PKNOX2: variants seen among roughly 807,000 people sequenced by gnomAD.
PKNOX2 encodes homeobox protein PKNOX2.
PKNOX2 carries 14 observed loss-of-function variants against 53.1 expected under a neutral mutation model. The observed-to-expected ratio is 0.26, with a 90% CI of 0.17 to 0.41. PKNOX2 has a LOEUF of 0.41. Ranked by LOEUF, PKNOX2 falls within the 10% of genes least tolerant of loss-of-function variation. The pLI, the probability that PKNOX2 is intolerant of heterozygous loss-of-function variation, is 1.00. For synonymous variants in PKNOX2, 257 were observed against 242.8 expected, an observed-to-expected ratio of 1.06 and a Z score of -0.54; for missense variants, 496 against 602.8, an observed-to-expected ratio of 0.82 and a Z score of 1.85.
In PKNOX2 at chr11:125,165,758, AG is replaced by A. The variant is rs1433373620; in HGVS notation, c.-201+983del. ...GCCCGCGCGAGGCTTGGGAATCGGG[AG>A]CCCTTCTGGCTCGAGAACTAGGGGA... On this transcript the variant is annotated intron_variant, in intron 1 of 12. Transcript: ENST00000298282. This position sits in a 1 kb window ranked among gnomAD's most constrained non-coding sequence, Gnocchi z 4.5. Among the ~76,000 whole-genome samples, 1 of 152,120 alleles carries A rather than the reference AG, an allele frequency of 6.6e-6. No individual in the cohort carries two copies. Among genetic ancestry groups the A allele is most frequent in the African/African-American group, 2.4e-5 (1 of 41,416 alleles).
chr11:125,367,241 A>G (rs1240200873), intron 4 of PKNOX2, among the ~76,000 whole-genome samples: 1 of 152,266 alleles, frequency 6.6e-6, no homozygotes, highest in African/African-American at 2.4e-5. Context: ...AACGTGTCAC[A>G]GATTATGAAA....
chr11:125,415,831 T>G (rs570803703), intron 10 of PKNOX2, among the ~76,000 whole-genome samples: 57 of 152,304 alleles, frequency 3.7e-4, no homozygotes, highest in African/African-American at 1.3e-3. Flanking sequence ...TTGAAAAAAT[T>G]AGTTTAAAAA....
At chr11:125,247,738 A>G (rs1019475779) in intron 2 of PKNOX2, among the ~76,000 whole-genome samples, 1 of 152,090 alleles carries the variant, frequency 6.6e-6, no homozygotes, top group Non-Finnish European at 1.5e-5. Flanking sequence ...AATTCTAGTA[A>G]GGATTTGCTG....
intron 2 of PKNOX2, among the ~76,000 whole-genome samples, chr11:125,326,795 G>A (rs1459956132): frequency 6.6e-6 from 1 of 152,174 alleles, no homozygotes; most frequent in Non-Finnish European, 1.5e-5. Context: ...TGATGAGGAG[G>A]AAACAGAATT....
chr11:125,303,295 G>A (rs151186738), intron 2 of PKNOX2, among the ~76,000 whole-genome samples: 6 of 152,262 alleles, frequency 3.9e-5, no homozygotes, highest in East Asian at 1.9e-4. Flanking sequence ...CAAGTGTTAC[G>A]TCACCCTCAC....
At chr11:125,178,514 A>G (rs927385375) in intron 1 of PKNOX2, among the ~76,000 whole-genome samples, 1 of 148,322 alleles carries the variant, frequency 6.7e-6, no homozygotes, top group East Asian at 2.0e-4. Flanking sequence ...CTGTCTCAAA[A>G]AAAAAAAAGA....
chr11:125,224,871 C>T (rs949640887), intron 1 of PKNOX2, among the ~76,000 whole-genome samples: 6 of 152,206 alleles, frequency 3.9e-5, no homozygotes, highest in African/African-American at 7.2e-5. Flanking sequence ...GACCGCCCCC[C>T]GGAGGCAAGT....
chr11:125,342,789 G>A (rs1451955024), intron 3 of PKNOX2, among the ~76,000 whole-genome samples: 1 of 150,436 alleles, frequency 6.6e-6, no homozygotes, highest in Non-Finnish European at 1.5e-5. Context: ...GGCGGGCCGG[G>A]GCTCCCAGGT....
chr11:125,170,296 G>A (rs1195378791), intron 1 of PKNOX2, among the ~76,000 whole-genome samples: 4 of 152,194 alleles, frequency 2.6e-5, no homozygotes, highest in African/African-American at 4.8e-5. Context: ...CTGGTGGAAT[G>A]CTTGTCTTTA....
chr11:125,351,364 C>T lies in PKNOX2; in HGVS notation c.59C>T (p.Pro20Leu), dbSNP rs371091100. ...ACGATGATGGCCACGCAGAATGTCC[C>T]GCCCCCACCCTACCAGGACAGCCCA... is the stretch of plus-strand genomic sequence containing the variant. Reference protein sequence around the residue: ...ALTMMATQNVPPPPYQDSPQM... With the variant: ...ALTMMATQNVLPPPYQDSPQM... The change falls in exon 4 of 13, where the codon CCG (proline) becomes CTG (leucine). Residue 20 changes from proline to leucine, a missense_variant. This residue lies in a region of PKNOX2 where 168 missense variants were observed against 178.4 expected (regional missense o/e 0.94). Coordinates refer to ENST00000298282, the MANE Select transcript of PKNOX2 (RefSeq NM_001382323.2). The T allele has an allele frequency of 1.9e-6, 3 of 1,605,700 alleles. No individual in the cohort carries two copies. Among genetic ancestry groups the T allele is most frequent in the African/African-American group, 2.7e-5 (2 of 74,790 alleles).
intron 3 of PKNOX2, among the ~76,000 whole-genome samples, chr11:125,348,017 C>T (rs986403809): frequency 2.0e-5 from 3 of 152,112 alleles, no homozygotes; most frequent in Admixed American, 6.5e-5. Context: ...GCTCTGAAGC[C>T]CGGGGCTAGG....
At chr11:125,190,583 T>C (rs927473824) in intron 1 of PKNOX2, among the ~76,000 whole-genome samples, 2 of 152,202 alleles carry the variant, frequency 1.3e-5, no homozygotes, top group African/African-American at 2.4e-5. Flanking sequence ...TGCTTTGGTC[T>C]CCCTCTTTTG....
intron 2 of PKNOX2, among the ~76,000 whole-genome samples, chr11:125,254,349 C>A (rs1476317614): frequency 6.6e-6 from 1 of 152,226 alleles, no homozygotes; most frequent in Non-Finnish European, 1.5e-5. Flanking sequence ...GCCCACCTCC[C>A]TGCCATGGGG....
chr11:125,224,046 AC>A (rs1396412541), intron 1 of PKNOX2, among the ~76,000 whole-genome samples: 1 of 152,234 alleles, frequency 6.6e-6, no homozygotes, highest in Admixed American at 6.5e-5. Flanking sequence ...CCTTGCTCAC[AC>A]AGCTTTTCCC....
intron 10 of PKNOX2, among the ~76,000 whole-genome samples, chr11:125,416,169 G>A (rs1445777879): frequency 1.3e-5 from 2 of 151,366 alleles, no homozygotes; most frequent in Non-Finnish European, 2.9e-5. Context: ...CGGGCGTGGT[G>A]GCGGGCGCCT....
At chr11:125,253,884 T>C (rs1944200041) in intron 2 of PKNOX2, among the ~76,000 whole-genome samples, 1 of 151,992 alleles carries the variant, frequency 6.6e-6, no homozygotes, top group Admixed American at 6.5e-5. Flanking sequence ...AGGGACCCAC[T>C]TGGTAATAAG....
intron 10 of PKNOX2, among the ~76,000 whole-genome samples, chr11:125,428,608 C>T (rs1453442784): frequency 2.0e-5 from 3 of 152,186 alleles, no homozygotes; most frequent in Non-Finnish European, 4.4e-5. Context: ...CCATTCACCC[C>T]GCCTACCACC....
At chr11:125,306,555 T>G (rs1362086929) in intron 2 of PKNOX2, among the ~76,000 whole-genome samples, 1 of 152,264 alleles carries the variant, frequency 6.6e-6, no homozygotes, top group Non-Finnish European at 1.5e-5. Flanking sequence ...TGTGGCATTC[T>G]GCATGATCCA....
chr11:125,357,657 T>A (rs1591540684), intron 4 of PKNOX2, among the ~76,000 whole-genome samples: 1 of 152,260 alleles, frequency 6.6e-6, no homozygotes, highest in Non-Finnish European at 1.5e-5. Flanking sequence ...TAGTTGGTCT[T>A]CAGAAAGCTT....
Sources: gnomAD v4.1 joint callset for allele counts (sites outside exome capture counted in the v4.1 genomes callset) on GRCh38, gnomAD v4.1.1 for gene constraint, gnomAD v4.1.1 regional missense constraint, Gnocchi (gnomAD v3.1) non-coding constraint, MANE v1.5 for transcripts, NCBI Gene and HGNC (gene_info 2026-07-23, HGNC 2026-07-21) for gene names.